Variants in GCC2 observed in about 807,000 individuals in gnomAD.
The protein encoded by GCC2 is GRIP and coiled-coil domain-containing protein 2.
In GCC2, 120 loss-of-function variants were observed where a neutral mutation model predicts 210.6. That is an observed-to-expected ratio of 0.57 (90% CI 0.49 to 0.66). The LOEUF (loss-of-function observed/expected upper bound fraction) is 0.66, where lower values mean the gene tolerates loss of function less well. Among genes scored for constraint, GCC2 ranks in the 30% least tolerant of loss-of-function variants. GCC2 has a pLI of 0.00. For synonymous variants in GCC2, 703 were observed against 652.7 expected (o/e 1.08, Z -1.17); for missense variants, 1,868 against 1,871.9 (o/e 1.00, Z 0.04).
At chr2:108,461,832 TTTTC>T (rs1161815819) in intron 4 of GCC2, among the ~76,000 whole-genome samples, 3 of 138,636 alleles carry the variant, frequency 2.2e-5, no homozygotes, top group Non-Finnish European at 3.1e-5. Flanking sequence ...TTTTTTTTCT[TTTTC>T]TTTTTTTTTT....
At chr2:108,476,813 A>G (rs968983694) in intron 9 of GCC2, among the ~76,000 whole-genome samples, 2 of 152,170 alleles carry the variant, frequency 1.3e-5, no homozygotes, top group African/African-American at 4.8e-5. Context: ...AAAAATCCCA[A>G]TGGCAATAAC....
intron 4 of GCC2, among the ~76,000 whole-genome samples, chr2:108,467,424 A>C (rs1300693117): frequency 6.6e-6 from 1 of 152,204 alleles, no homozygotes; most frequent in East Asian, 1.9e-4. Context: ...TTTTTTATAT[A>C]AACAGTCATA....
At chr2:108,490,143 AAAC>A in intron 18 of GCC2, 129 bp downstream of exon 18, 2 of 681,840 alleles carry the variant, frequency 2.9e-6, no homozygotes, top group Non-Finnish European at 4.4e-6. Context: ...AAAGGCTTGG[AAAC>A]TTTGCTTTAT....
intron 4 of GCC2, among the ~76,000 whole-genome samples, chr2:108,461,074 A>C (rs771641206): frequency 3.2e-4 from 49 of 152,248 alleles, no homozygotes; most frequent in Non-Finnish European, 5.3e-4. Flanking sequence ...ACCCAGGCTC[A>C]GATAGTTCTT....
intron 17 of GCC2, among the ~76,000 whole-genome samples, chr2:108,489,051 G>GT (rs985793913): frequency 1.3e-5 from 2 of 151,962 alleles, no homozygotes; most frequent in African/African-American, 4.8e-5. Context: ...ATATAAATAC[G>GT]TTTTTTAAAA....
chr2:108,502,812 A>C (rs975481935), intron 22 of GCC2, among the ~76,000 whole-genome samples: 3 of 151,926 alleles, frequency 2.0e-5, no homozygotes, highest in Non-Finnish European at 4.4e-5. Flanking sequence ...AATCCCAGCT[A>C]CTTGGGAGGC....
chr2:108,507,674 A>T lies in GCC2; in HGVS notation c.*44A>T. ...TTTATTAACCAAATAGAATCTATTT[A>T]CAAAAATGGTTCACGTATATTACCA... On this transcript the variant is annotated 3_prime_UTR_variant, in exon 23 of 23. Transcript: ENST00000309863. 3.7e-6 allele frequency: 5 copies of T among 1,360,704 alleles called. No individual in the cohort carries two copies. Among genetic ancestry groups the T allele is most frequent in the Non-Finnish European group, 5.2e-6 (5 of 966,818 alleles). 84.3% of individuals were successfully genotyped at this position (1,360,704 alleles called of 1,614,324 possible). A position where few individuals can be genotyped will look rare whatever the true frequency, so the allele number is the denominator to read the frequency against.
At chr2:108,469,154 G>A in intron 5 of GCC2, 70 bp downstream of exon 5, 1 of 863,036 alleles carries the variant, frequency 1.2e-6, no homozygotes, top group Non-Finnish European at 1.9e-6. Context: ...TTAGAGGTAA[G>A]ACTTTAAAAA....
At position 108,470,325 on chromosome 2, in the gene GCC2, A is replaced by G. The variant is rs1218012387; in HGVS notation, c.996A>G (p.Glu332=). The change falls in exon 6 of 23, where the codon GAA becomes GAG. Residue 332 remains glutamate, a synonymous_variant. Transcript: ENST00000309863. ...ENTFVEQVVN[E]KVKHLEDTLK... is the part of the protein sequence containing the mutation. Reference sequence around the variant, plus strand: ...CATTTGTAGAACAAGTAGTAAATGAAAAAGTCAAACACTTAGAAGATACCT... The same window carrying G: ...CATTTGTAGAACAAGTAGTAAATGAGAAAGTCAAACACTTAGAAGATACCT... 3 of 1,611,520 alleles carry G rather than the reference A, an allele frequency of 1.9e-6. No homozygotes were observed. The highest frequency in any genetic ancestry group is 1.7e-5 in the Admixed American group (1 of 59,752).
chr2:108,452,269 C>A, intron 3 of GCC2, 130 bp from the exon 4 acceptor site: 1 of 674,656 alleles, frequency 1.5e-6, no homozygotes, highest in Non-Finnish European at 2.7e-6. Context: ...AGAGATTAAT[C>A]ATACTATTCT....
Position 108,472,109 on chromosome 2 carries a change from T to A in GCC2, c.2780T>A (p.Leu927Gln). ...CGAGATAGGAGAGCAGAGTTGATAC[T>A]ATTAAAGGTACCATTCATTTGAATT... Reference protein sequence around the residue: ...ELRDRRAELILLKDSLAKSPS... With the variant: ...ELRDRRAELIQLKDSLAKSPS... Residue 927 changes from leucine to glutamine, a missense_variant, in exon 6 of 23, where the codon CTA becomes CAA. This residue lies in a region of GCC2 where 1,847 missense variants were observed against 1,765.2 expected (regional missense o/e 1.05). Transcript: ENST00000309863. 7 of 1,508,388 alleles carry A rather than the reference T, an allele frequency of 4.6e-6. No homozygotes were observed. The highest frequency in any genetic ancestry group is 6.2e-6 in the Non-Finnish European group (7 of 1,130,954). The allele number at this position is 1,508,388 out of a possible 1,614,324, so 93.4% of individuals were successfully genotyped here. A position where few individuals can be genotyped will look rare whatever the true frequency, so the allele number is the denominator to read the frequency against.
Position 108,461,053 on chromosome 2 carries a change from C to G in GCC2, c.217-7927C>G, listed in dbSNP as rs565349621. ...ACCATGAGCCAATTTAATCTCTTTT[C>G]TTTATAAATTACCCAGGCTCAGATA... On this transcript the variant is annotated intron_variant, in intron 4 of 22. Coordinates refer to ENST00000309863, the MANE Select transcript of GCC2 (RefSeq NM_181453.4). 7.2e-5 allele frequency among the ~76,000 whole-genome samples: 11 copies of G among 152,322 alleles called. No homozygotes were observed. The South Asian group carries it at 2.1e-3, about 29-fold the overall frequency.
At chr2:108,498,195 T>TC (rs1200481492) in intron 21 of GCC2, among the ~76,000 whole-genome samples, 1 of 122,604 alleles carries the variant, frequency 8.2e-6, no homozygotes, top group Admixed American at 8.0e-5. Context: ...TTTTTTTTTT[T>TC]TTTTTTTTTT....
chr2:108,477,152 A>AT (rs1226016498), intron 9 of GCC2, among the ~76,000 whole-genome samples: 2 of 151,674 alleles, frequency 1.3e-5, no homozygotes, highest in East Asian at 3.9e-4. Context: ...GAGTAGCTAA[A>AT]TTTTTTTTTA....
In GCC2 at chr2:108,470,605, G is replaced by A. The variant is rs555252199; in HGVS notation, c.1276G>A (p.Val426Ile). 10 of 1,611,788 alleles carry A rather than the reference G, an allele frequency of 6.2e-6. No homozygotes were observed. In the East Asian group the frequency reaches 1.6e-4, roughly 25 times the overall value. Residue 426 changes from valine (V) to isoleucine (I), a missense_variant, in exon 6 of 23, where the codon GTA (valine) becomes ATA (isoleucine). Val to Ile is a conservative substitution (Grantham distance 29). Coordinates refer to ENST00000309863, the MANE Select transcript of GCC2 (RefSeq NM_181453.4). ...CYTVEQHNRE[V>I]QSLKEQHQKE... ...TACTGTAGAACAGCATAACAGAGAA[G>A]TACAGAGTCTTAAGGAACAACATCA...
In GCC2 at chr2:108,471,428, A is replaced by G. The variant is rs763638702; in HGVS notation, c.2099A>G (p.Glu700Gly). Residue 700 changes from glutamate to glycine, a missense_variant, in exon 6 of 23, where the codon GAA (glutamate) becomes GGA (glycine). Around this residue, in one of 3 missense-constraint regions of GCC2, gnomAD observed 1,847 missense variants for 1,765.2 expected, o/e 1.05. Coordinates refer to ENST00000309863, the MANE Select transcript of GCC2 (RefSeq NM_181453.4). ...LYEENNKLSS[E>G]KKQLSRDLEV... The stretch of plus-strand genomic sequence containing the variant: ...GAGGAAAACAATAAACTCAGTTCAG[A>G]AAAAAAACAGTTGAGTAGGGATTTG... 1.9e-6 allele frequency: 3 copies of G among 1,607,184 alleles called. No homozygotes were observed. The highest frequency in any genetic ancestry group is 1.7e-5 in the Admixed American group (1 of 58,718).
chr2:108,453,583 G>A (rs1680077122), intron 4 of GCC2, among the ~76,000 whole-genome samples: 1 of 152,124 alleles, frequency 6.6e-6, no homozygotes, highest in African/African-American at 2.4e-5. Flanking sequence ...TCAGGAGTTT[G>A]AGATCAGCCT....
chr2:108,463,857 C>T (rs993800138), intron 4 of GCC2, among the ~76,000 whole-genome samples: 2 of 152,158 alleles, frequency 1.3e-5, no homozygotes, highest in Non-Finnish European at 2.9e-5. Flanking sequence ...GGGCCAGTCT[C>T]CATATCCACA....
rs780621282 is a variant in GCC2 at position 108,487,765 on chromosome 2, C to T, written c.3997C>T (p.Gln1333Ter). 1 of 1,613,374 alleles carries T rather than the reference C, an allele frequency of 6.2e-7. No individual in the cohort carries two copies. The highest frequency in any genetic ancestry group is 1.7e-5 in the Admixed American group (1 of 59,960). The change falls in exon 17 of 23, where the codon CAA (glutamine) becomes TAA (stop). Residue 1333 changes from glutamine to a stop codon, truncating the protein, a stop_gained. Coordinates refer to ENST00000309863, the MANE Select transcript of GCC2 (RefSeq NM_181453.4). LOFTEE classifies it high-confidence loss of function. ...YKVRVHNVLK[Q>*]QKNKSMSQAE... Reference sequence around the variant, plus strand: ...AGTCCGAGTTCATAATGTTCTAAAACAACAGAAAAATAAATCTATGTCTCA... The same window carrying T: ...AGTCCGAGTTCATAATGTTCTAAAATAACAGAAAAATAAATCTATGTCTCA...
Sources: gnomAD v4.1 joint callset for allele counts (sites outside exome capture counted in the v4.1 genomes callset) on GRCh38, gnomAD v4.1.1 for gene constraint, gnomAD v4.1.1 regional missense constraint, MANE v1.5 for transcripts, NCBI Gene and HGNC (gene_info 2026-07-23, HGNC 2026-07-21) for gene names.